Variants in CDC25B observed in about 807,000 individuals in gnomAD.
CDC25B encodes cell division cycle 25B, also known as M-phase inducer phosphatase 2.
Under a neutral mutation model 69.8 loss-of-function variants are expected in CDC25B, and 33 were observed. The observed-to-expected ratio is 0.47, with a 90% confidence interval of 0.36 to 0.63. CDC25B has a LOEUF of 0.63. Among genes scored for constraint, CDC25B ranks in the 30% least tolerant of loss-of-function variants. CDC25B has a pLI of 0.00. For missense variants in CDC25B, 727 were observed against 809.1 expected, an observed-to-expected ratio of 0.90 and a Z score of 1.23; for synonymous variants, 341 against 314.6, an observed-to-expected ratio of 1.08 and a Z score of -0.89.
rs142459784 is a variant in CDC25B, at chr20:3,801,040, G to A, written c.652G>A (p.Ala218Thr). 5 of 1,613,196 alleles carry A rather than the reference G, an allele frequency of 3.1e-6. No homozygotes were observed. Among genetic ancestry groups the A allele is most frequent in the Non-Finnish European group, 4.2e-6 (5 of 1,179,830 alleles). Residue 218 changes from alanine (A) to threonine (T), a missense_variant, in exon 7 of 16, where the codon GCC becomes ACC. This residue lies in a region of CDC25B where 368 missense variants were observed against 345.6 expected (regional missense o/e 1.06). Transcript: ENST00000245960. ...CTCCACCCATGCTCTGGCAGAGTGG[G>A]CCAGCCGCAGGGAAGCCTTTGCCCA... ...PSSTHALAEW[A>T]SRREAFAQRP...
chr20:3,798,315 GTTTTTTTTTTTT>G (rs58192077), intron 2 of CDC25B, 85 bp from the exon 3 acceptor site: 4 of 372,742 alleles, frequency 1.1e-5, no homozygotes, highest in African/African-American at 9.7e-5. Context: ...ACTAGAAACT[GTTTTTTTTTTTT>G]TTTTTTTTTT....
upstream of CDC25B, chr20:3,796,035 C>A (rs1311387696): frequency 1.0e-6 from 1 of 996,758 alleles, no homozygotes; most frequent in Non-Finnish European, 1.2e-6. Context: ...GGCGTTGCTG[C>A]TGCCTTTGGG....
intron 1 of CDC25B, among the ~76,000 whole-genome samples, chr20:3,787,485 A>C (rs2088844639): frequency 6.6e-6 from 1 of 152,220 alleles, no homozygotes; most frequent in African/African-American, 2.4e-5. Flanking sequence ...CCCATAGATA[A>C]ACACTCATAA....
Position 3,800,728 on chromosome 20 carries a change from T to C in CDC25B, c.460-15T>C. ...GCCTTCATTCCTCTGCCTGCCGCCC[T>C]GCCTGGCTCTCTAGGTGAGGCTGCT... On this transcript the variant is annotated splice_polypyrimidine_tract_variant and intron_variant, in intron 5 of 15. Coordinates refer to ENST00000245960, the MANE Select transcript of CDC25B (RefSeq NM_021873.4). 1 of 1,606,234 alleles carries C rather than the reference T, an allele frequency of 6.2e-7. No individual in the cohort carries two copies. The highest frequency in any genetic ancestry group is 8.5e-7 in the Non-Finnish European group (1 of 1,179,428).
Position 3,803,683 on chromosome 20 carries a change from C to A in CDC25B, c.1490+146C>A. On this transcript the variant is annotated intron_variant, in intron 14 of 15. Coordinates refer to ENST00000245960, the MANE Select transcript of CDC25B (RefSeq NM_021873.4). This position sits in a 1 kb window ranked among gnomAD's most constrained non-coding sequence, Gnocchi z 4.9. ...TGATGGCCTAGAGCTGACCTCAGCCCCACTTCACTGTGCATGGTACCCGCC... is the reference window on the plus strand; with the variant it reads ...TGATGGCCTAGAGCTGACCTCAGCCACACTTCACTGTGCATGGTACCCGCC... 1.0e-6 allele frequency: 1 copy of A among 978,856 alleles called. No individual in the cohort carries two copies. Among genetic ancestry groups the A allele is most frequent in the South Asian group, 1.5e-5 (1 of 65,218 alleles). 60.6% of individuals were successfully genotyped at this position (978,856 alleles called of 1,614,324 possible).
chr20:3,800,256 C>G (rs1284166215), intron 3 of CDC25B, 32 bp from the exon 4 acceptor site: 2 of 1,558,460 alleles, frequency 1.3e-6, no homozygotes, highest in Admixed American at 3.4e-5. Flanking sequence ...GCGGAGGGAG[C>G]ATGGGTTGCA....
Position 3,803,331 on chromosome 20 carries a change from G to A in CDC25B, c.1357-73G>A. 6.2e-7 allele frequency: 1 copy of A among 1,606,790 alleles called. No homozygotes were observed. Among genetic ancestry groups the A allele is most frequent in the Non-Finnish European group, 8.5e-7 (1 of 1,175,044 alleles). The stretch of plus-strand genomic sequence containing the variant: ...ATGGGGAGGGTTCCTACTAAGAGAA[G>A]GACAGCGACTGCACGGGGAGGGCCC... On this transcript the variant is annotated intron_variant, in intron 13 of 15. Coordinates refer to ENST00000245960, the MANE Select transcript of CDC25B (RefSeq NM_021873.4). This position sits in a 1 kb window ranked among gnomAD's most constrained non-coding sequence, Gnocchi z 4.9.
At chr20:3,790,376 ATT>A (rs1172663396) in intron 1 of CDC25B, among the ~76,000 whole-genome samples, 37 of 125,686 alleles carry the variant, frequency 2.9e-4, no homozygotes, top group Admixed American at 5.0e-4. Context: ...CCATTTTGGA[ATT>A]TTTTTTTTTT....
chr20:3,796,113 A>C, upstream of CDC25B: 1 of 1,017,254 alleles, frequency 9.8e-7, no homozygotes. Context: ...CGCCAGGGGG[A>C]TGTGCGAGGG....
rs2089447222 is a variant in CDC25B, at chr20:3,805,505, G to A, written c.*544G>A. On this transcript the variant is annotated 3_prime_UTR_variant, in exon 16 of 16. Coordinates refer to ENST00000245960, the MANE Select transcript of CDC25B (RefSeq NM_021873.4). ...CTGTCCCACCATACGAGCACCTCCA[G>A]CCTGAACAGAAGCTCTTACTCTTTC... 2.9e-6 allele frequency: 1 copy of A among 343,462 alleles called. No individual in the cohort carries two copies. The highest frequency in any genetic ancestry group is 4.5e-5 in the Admixed American group (1 of 22,096). The allele number at this position is 343,462 out of a possible 1,614,324, so 21.3% of individuals were successfully genotyped here. A position where few individuals can be genotyped will look rare whatever the true frequency, so the allele number is the denominator to read the frequency against.
Position 3,805,184 on chromosome 20 carries a change from G to A in CDC25B, c.*223G>A. Reference sequence around the variant, plus strand: ...CCCCTGGAAGAGCCCAGTCTGTTGAGTTAGTTAAGTTGGGTTAATACCAGC... The same window carrying A: ...CCCCTGGAAGAGCCCAGTCTGTTGAATTAGTTAAGTTGGGTTAATACCAGC... On this transcript the variant is annotated 3_prime_UTR_variant, in exon 16 of 16. Transcript: ENST00000245960. The A allele has an allele frequency of 1.2e-5, 7 of 576,866 alleles. No homozygotes were observed. The South Asian group carries it at 1.5e-4, about 13-fold the overall frequency. 35.7% of individuals were successfully genotyped at this position (576,866 alleles called of 1,614,324 possible). A position where few individuals can be genotyped will look rare whatever the true frequency, so the allele number is the denominator to read the frequency against.
rs761774608 is a variant in CDC25B, at chr20:3,798,476, G to A, written c.380+13G>A. ...TGGCGGAGCAGACGTGAGTAGAGAA[G>A]GGAATGTGTACTTCCAAGCATTCAG... On this transcript the variant is annotated intron_variant, in intron 3 of 15. Coordinates refer to ENST00000245960, the MANE Select transcript of CDC25B (RefSeq NM_021873.4). The A allele has an allele frequency of 3.1e-6, 5 of 1,588,390 alleles. No homozygotes were observed. The African/African-American group carries it at 5.4e-5, about 17-fold the overall frequency.
Position 3,805,358 on chromosome 20 carries a change from A to C in CDC25B, c.*397A>C. 3.7e-6 allele frequency: 1 copy of C among 271,576 alleles called. No homozygotes were observed. Among genetic ancestry groups the C allele is most frequent in the Non-Finnish European group, 7.1e-6 (1 of 141,438 alleles). 16.8% of individuals were successfully genotyped at this position (271,576 alleles called of 1,614,324 possible). A position where few individuals can be genotyped will look rare whatever the true frequency, so the allele number is the denominator to read the frequency against. ...GGTCCCTGAGGATGGGTCAGAGCTA[A>C]ACTCCTTCCTGGCCTGAGAGTCAGC... On this transcript the variant is annotated 3_prime_UTR_variant, in exon 16 of 16. Coordinates refer to ENST00000245960, the MANE Select transcript of CDC25B (RefSeq NM_021873.4).
At chr20:3,794,915 C>T (rs916447739), upstream of CDC25B, among the ~76,000 whole-genome samples, 2 of 152,192 alleles carry the variant, frequency 1.3e-5, no homozygotes, top group Non-Finnish European at 2.9e-5. Flanking sequence ...GCAGCCCGCC[C>T]CCCGCACCAC....
At position 3,801,070 on chromosome 20, in the gene CDC25B, C is replaced by G. The variant is rs764466123; in HGVS notation, c.682C>G (p.Pro228Ala). 3.0e-5 allele frequency: 48 copies of G among 1,613,958 alleles called. No individual in the cohort carries two copies. The highest frequency in any genetic ancestry group is 4.1e-5 in the Non-Finnish European group (48 of 1,179,946). ...CCGCAGGGAAGCCTTTGCCCAGAGA[C>G]CCAGCTCGGCCCCCGACCTGATGGT... ...ASRREAFAQR[P>A]SSAPDLMCLS... The change falls in exon 7 of 16, where the codon CCC becomes GCC. Residue 228 changes from proline to alanine, a missense_variant. Pro to Ala is a conservative substitution (Grantham distance 27). Coordinates refer to ENST00000245960, the MANE Select transcript of CDC25B (RefSeq NM_021873.4).
At chr20:3,801,609 C>T in intron 8 of CDC25B, 113 bp from the exon 9 acceptor site, 1 of 1,090,682 alleles carries the variant, frequency 9.2e-7, no homozygotes, top group Admixed American at 2.6e-5. Flanking sequence ...CTTCTCACCC[C>T]AACCTGGAGT....
chr20:3,803,430 C>T lies in CDC25B; in HGVS notation c.1383C>T (p.Arg461=), dbSNP rs530962860. 44 of 1,614,112 alleles carry T rather than the reference C, an allele frequency of 2.7e-5. 1 individual carries two copies. Among genetic ancestry groups the T allele is most frequent in the Admixed American group, 6.7e-5 (4 of 60,008 alleles). Residue 461 remains arginine, a synonymous_variant, in exon 14 of 16, where the codon CGC becomes CGT. Transcript: ENST00000245960. This position sits in a 1 kb window ranked among gnomAD's most constrained non-coding sequence, Gnocchi z 4.9. ...IKTAVNLPLE[R]DAESFLLKSP... is the part of the protein sequence containing the mutation. ...CTGCGGTGAACTTGCCCCTGGAACG[C>T]GACGCCGAGAGCTTCCTACTGAAGA...
chr20:3,801,215 C>A, intron 7 of CDC25B, 39 bp from the exon 8 acceptor site: 1 of 1,607,476 alleles, frequency 6.2e-7, no homozygotes, highest in Non-Finnish European at 8.5e-7. Context: ...CGGGAACTAT[C>A]TCCACCTCTA....
Position 3,800,770 on chromosome 20 carries a change from C to G in CDC25B, c.487C>G (p.Leu163Val), listed in dbSNP as rs201911534. Residue 163 changes from leucine (L) to valine (V), a missense_variant, in exon 6 of 16, where the codon CTT (leucine) becomes GTT (valine). Leu to Val is a conservative substitution (Grantham distance 32). Coordinates refer to ENST00000245960, the MANE Select transcript of CDC25B (RefSeq NM_021873.4). ...PVRLLGHSPV[L>V]RNITNSQAPD... ...GAGGCTGCTGGGCCACAGCCCCGTG[C>G]TTCGGAACATCACCAACTCCCAGGC... The G allele has an allele frequency of 6.2e-7, 1 of 1,611,216 alleles. No individual in the cohort carries two copies. Among genetic ancestry groups the G allele is most frequent in the Non-Finnish European group, 8.5e-7 (1 of 1,180,018 alleles).
Sources: allele counts gnomAD v4.1 joint callset (sites outside exome capture counted in the v4.1 genomes callset), GRCh38; gene constraint gnomAD v4.1.1; regional missense constraint gnomAD v4.1.1; non-coding constraint Gnocchi (gnomAD v3.1); transcripts MANE v1.5; gene names NCBI Gene and HGNC (gene_info 2026-07-23, HGNC 2026-07-21).